ECHDC2: variants seen among roughly 807,000 people sequenced by gnomAD.
The protein encoded by ECHDC2 is enoyl-CoA hydratase domain containing 2.
A neutral mutation model predicts 40.6 loss-of-function variants in ECHDC2; 34 were observed. The ratio of observed to expected loss-of-function variants is 0.84; its 90% CI spans 0.64 to 1.11. The LOEUF (loss-of-function observed/expected upper bound fraction) is 1.11. ECHDC2 is among the 50% of genes most tolerant of loss of function. ECHDC2 has a pLI of 0.00. For missense variants in ECHDC2, 392 were observed against 400.7 expected (o/e 0.98, Z 0.19); for synonymous variants, 162 against 166.6 (o/e 0.97, Z 0.21).
chr1:52,900,481 G>A (rs1436808534), intron 7 of ECHDC2: 5 of 151,936 alleles, frequency 3.3e-5, no homozygotes, highest in African/African-American at 9.7e-5. Context: ...TTTAAATTTT[G>A]TTTTTAAAAT....
chr1:52,907,779 G>A (rs2150052641), intron 4 of ECHDC2, 89 bp downstream of exon 4: 1 of 1,135,292 alleles, frequency 8.8e-7, no homozygotes, highest in Non-Finnish European at 1.3e-6. Flanking sequence ...ACAGAAAGAA[G>A]ACTCTCCTTA....
chr1:52,904,555 G>T, intron 7 of ECHDC2, 91 bp downstream of exon 7: 1 of 1,178,782 alleles, frequency 8.5e-7, no homozygotes, highest in South Asian at 1.6e-5. Flanking sequence ...GTCTCTGGGA[G>T]AATGGATGTG....
At chr1:52,905,209 G>A in intron 5 of ECHDC2, 119 bp from the exon 6 acceptor site, 1 of 1,132,614 alleles carries the variant, frequency 8.8e-7, no homozygotes, top group South Asian at 1.4e-5. Context: ...CCCATGGTCT[G>A]GCCACAGCCA....
chr1:52,907,973 G>A lies in ECHDC2; in HGVS notation c.278-19C>T, dbSNP rs1270181376. On this transcript the variant is annotated intron_variant, in intron 3 of 9. Coordinates refer to ENST00000371522, the MANE Select transcript of ECHDC2 (RefSeq NM_001198961.2). The stretch of plus-strand genomic sequence containing the variant: ...TCTGCACCTGCAGATGGCGAGGGTT[G>A]GTACCAGCCCTTAGGAAAATGGCAC... 6.2e-7 allele frequency: 1 copy of A among 1,612,424 alleles called. No homozygotes were observed. Among genetic ancestry groups the A allele is most frequent in the Non-Finnish European group, 8.5e-7 (1 of 1,178,586 alleles).
chr1:52,908,686 C>A (rs955687468), intron 3 of ECHDC2, among the ~76,000 whole-genome samples: 8 of 151,958 alleles, frequency 5.3e-5, no homozygotes, highest in African/African-American at 1.9e-4. Context: ...GTAATCCCAG[C>A]ACTTTGGGAG....
intron 4 of ECHDC2, chr1:52,907,641 GCTTGAACCC>G: frequency 1.9e-6 from 1 of 531,056 alleles, no homozygotes; most frequent in South Asian, 2.8e-5. Flanking sequence ...GAATGGCCAG[GCTTGAACCC>G]TGAGGGTGGG....
At chr1:52,903,931 C>T (rs567903314) in intron 7 of ECHDC2, among the ~76,000 whole-genome samples, 1 of 151,922 alleles carries the variant, frequency 6.6e-6, no homozygotes, top group South Asian at 2.1e-4. Flanking sequence ...GATTCTCCTG[C>T]CTCAGCCTCC....
intron 1 of ECHDC2, chr1:52,912,153 A>C: frequency 5.1e-6 from 3 of 584,546 alleles, no homozygotes; most frequent in South Asian, 6.5e-5. Context: ...TTAATTTTAC[A>C]ACTCCCTCCA....
intron 3 of ECHDC2, among the ~76,000 whole-genome samples, chr1:52,910,816 G>C (rs552442113): frequency 7.9e-5 from 12 of 152,330 alleles, no homozygotes; most frequent in Admixed American, 5.2e-4. Flanking sequence ...CATGCAGGTG[G>C]GCAAGCGCCT....
At chr1:52,896,703 C>A (rs1283085613) in intron 9 of ECHDC2, 106 bp from the exon 10 acceptor site, 2 of 906,486 alleles carry the variant, frequency 2.2e-6, no homozygotes, top group Admixed American at 3.9e-5. Flanking sequence ...CCAAGTGTTT[C>A]CATTGTCTCT....
At chr1:52,899,104 C>T (rs1646821108) in intron 8 of ECHDC2, 70 bp downstream of exon 8, 1 of 1,504,248 alleles carries the variant, frequency 6.6e-7, no homozygotes, top group South Asian at 1.1e-5. Flanking sequence ...GCTGTCTGAG[C>T]TCTGAAAGCA....
At chr1:52,918,563 A>AACAAAAC (rs1319298062) in intron 1 of ECHDC2, among the ~76,000 whole-genome samples, 4 of 152,084 alleles carry the variant, frequency 2.6e-5, no homozygotes, top group Non-Finnish European at 5.9e-5. Flanking sequence ...CTTTGTTTTT[A>AACAAAAC]ACAAAAAAAG....
chr1:52,897,531 T>A, intron 8 of ECHDC2, 47 bp from the exon 9 acceptor site: 1 of 1,604,076 alleles, frequency 6.2e-7, no homozygotes, highest in South Asian at 1.1e-5. Context: ...TTGTCCATCT[T>A]CACCCACACT....
chr1:52,897,125 C>G (rs1000414877), intron 9 of ECHDC2: 19 of 461,564 alleles, frequency 4.1e-5, no homozygotes, highest in Non-Finnish European at 6.3e-5. Context: ...CCAACTCCAT[C>G]CTGAACTTTA....
At chr1:52,897,246 G>A (rs1646695616) in intron 9 of ECHDC2, 191 bp downstream of exon 9, 4 of 630,174 alleles carry the variant, frequency 6.3e-6, no homozygotes, top group African/African-American at 3.6e-5. Flanking sequence ...TTAGATGGTT[G>A]AGGGAAAAGT....
chr1:52,913,178 G>C (rs1649947593), intron 1 of ECHDC2: 1 of 152,176 alleles, frequency 6.6e-6, no homozygotes, highest in Non-Finnish European at 1.5e-5. Flanking sequence ...CTCAAAGCCT[G>C]GGTTTTGCTA....
At chr1:52,921,425 C>T (rs1276740483) in intron 1 of ECHDC2, 128 bp downstream of exon 1, 1 of 1,433,246 alleles carries the variant, frequency 7.0e-7, no homozygotes, top group Non-Finnish European at 9.1e-7. Flanking sequence ...GTTTGGGGCG[C>T]CTAGAACTGG....
At chr1:52,910,366 T>TTG (rs1649140420) in intron 3 of ECHDC2, among the ~76,000 whole-genome samples, 3 of 103,916 alleles carry the variant, frequency 2.9e-5, no homozygotes, top group Non-Finnish European at 5.9e-5. Flanking sequence ...TTTTTTTTTT[T>TTG]TTTTTTTTTT....
At chr1:52,904,581 C>T in intron 7 of ECHDC2, 65 bp downstream of exon 7, 1 of 1,419,624 alleles carries the variant, frequency 7.0e-7, no homozygotes, top group South Asian at 1.4e-5. Flanking sequence ...CAAGGGGACA[C>T]CCTGCCCCAC....
Sources: gnomAD v4.1 joint callset for allele counts (sites outside exome capture counted in the v4.1 genomes callset) on GRCh38, gnomAD v4.1.1 for gene constraint, MANE v1.5 for transcripts, NCBI Gene and HGNC (gene_info 2026-07-23, HGNC 2026-07-21) for gene names.